LETM2: variants seen among roughly 807,000 people sequenced by gnomAD.
LETM2 encodes LETM1 domain-containing protein LETM2, mitochondrial.
In LETM2, 58 loss-of-function variants were observed where a neutral mutation model predicts 59.6. The observed-to-expected ratio is 0.97, with a 90% CI of 0.79 to 1.21. The LOEUF is 1.21. LETM2 is among the 50% of genes most tolerant of loss of function. The probability of loss-of-function intolerance (pLI) is 0.00; values close to 1 mark genes in which losing one functional copy is unlikely to be tolerated. For missense variants in LETM2, 572 were observed against 575.7 expected (o/e 0.99, Z 0.07); for synonymous variants, 199 against 214.1 (o/e 0.93, Z 0.62).
chr8:38,394,029 T>C (rs1812499617), intron 3 of LETM2, 69 bp from the exon 4 acceptor site: 1 of 1,250,750 alleles, frequency 8.0e-7, no homozygotes, highest in Non-Finnish European at 1.0e-6. Context: ...TTTTTTTGGT[T>C]TTGTTTTTCA....
At chr8:38,408,028 T>C (rs1296512952) in intron 10 of LETM2, 184 bp from the exon 11 acceptor site, 1 of 548,934 alleles carries the variant, frequency 1.8e-6, no homozygotes, top group African/African-American at 1.9e-5. Context: ...CAGAAAAGCA[T>C]CCCAAGGCAC....
chr8:38,393,250 ATGTT>A, intron 3 of LETM2: 1 of 402,370 alleles, frequency 2.5e-6, no homozygotes, highest in East Asian at 4.4e-5. Context: ...GTACATGTGC[ATGTT>A]TGTAGAATAG....
intron 4 of LETM2, among the ~76,000 whole-genome samples, chr8:38,399,711 G>C (rs1323065017): frequency 6.6e-6 from 1 of 151,354 alleles, no homozygotes; most frequent in Non-Finnish European, 1.5e-5. Context: ...CCGGGAGAGA[G>C]AGGTTGCAGT....
intron 3 of LETM2, chr8:38,393,806 A>T: frequency 7.3e-6 from 2 of 272,642 alleles, no homozygotes; most frequent in Admixed American, 5.0e-5. Context: ...AAACAGGAAA[A>T]CCCTGCCTCT....
chr8:38,395,223 C>T (rs1004988405), intron 4 of LETM2, among the ~76,000 whole-genome samples: 1 of 152,190 alleles, frequency 6.6e-6, no homozygotes, highest in Admixed American at 6.5e-5. Context: ...GCTTTCAACT[C>T]ATTGGGGTAA....
At chr8:38,389,871 C>A (rs1812076110) in intron 2 of LETM2, among the ~76,000 whole-genome samples, 1 of 151,802 alleles carries the variant, frequency 6.6e-6, no homozygotes, top group South Asian at 2.1e-4. Flanking sequence ...TGGTGGCATG[C>A]AGCTGTAGTC....
intron 5 of LETM2, 150 bp from the exon 6 acceptor site, chr8:38,400,703 A>C: frequency 4.0e-6 from 3 of 751,174 alleles, no homozygotes; most frequent in Non-Finnish European, 6.5e-6. Flanking sequence ...TTGACTTCAG[A>C]TGGATATCTT....
chr8:38,385,689 C>A, upstream of LETM2, among the ~76,000 whole-genome samples: 1 of 152,144 alleles, frequency 6.6e-6, no homozygotes, highest in East Asian at 1.9e-4. Flanking sequence ...AGCCACCGCG[C>A]CCAGCCTAAA....
chr8:38,403,465 C>T (rs1338249658), intron 7 of LETM2, among the ~76,000 whole-genome samples: 1 of 152,258 alleles, frequency 6.6e-6, no homozygotes. Context: ...TGGTGGCCCA[C>T]CTGGGGCTGC....
In LETM2 at chr8:38,406,951, A is replaced by G. The variant is rs1443977727; in HGVS notation, c.1224A>G (p.Pro408=). ...TAAAATGTTTATCTCCCCAGGCTCC[A>G]AAGACTGATATTCTTGTGGAATTAC... The part of the protein sequence containing the change: ...PIEIPLSGEA[P]KTDILVELPT... The change falls in exon 9 of 11, where the codon CCA becomes CCG. Residue 408 remains proline (P), a synonymous_variant. Coordinates refer to ENST00000379957, the MANE Select transcript of LETM2 (RefSeq NM_001286819.2). 3.7e-6 allele frequency: 6 copies of G among 1,605,528 alleles called. No individual in the cohort carries two copies. The Admixed American group carries it at 5.0e-5, about 13-fold the overall frequency.
At chr8:38,403,783 G>A (rs1813451942) in intron 7 of LETM2, among the ~76,000 whole-genome samples, 1 of 152,196 alleles carries the variant, frequency 6.6e-6, no homozygotes, top group South Asian at 2.1e-4. Context: ...TTTCTTGAAC[G>A]TTGGCTATGA....
intron 2 of LETM2, 44 bp downstream of exon 2, chr8:38,388,074 CTTCTTCT>C (rs1563380708): frequency 3.4e-6 from 4 of 1,180,368 alleles, no homozygotes; most frequent in African/African-American, 1.9e-5. Flanking sequence ...AATTCTTCTT[CTTCTTCT>C]TTTTTTTTTT....
intron 4 of LETM2, among the ~76,000 whole-genome samples, chr8:38,398,973 G>A (rs748424002): frequency 3.4e-4 from 52 of 151,828 alleles, no homozygotes; most frequent in African/African-American, 7.7e-4. Flanking sequence ...CAGCTGCCTC[G>A]GCCTCCCAAA....
At chr8:38,406,672 C>T (rs1013053480) in intron 8 of LETM2, 3 of 330,306 alleles carry the variant, frequency 9.1e-6, no homozygotes, top group African/African-American at 4.2e-5. Flanking sequence ...AGGACCAGTG[C>T]CATCAGTGGA....
intron 5 of LETM2, 58 bp downstream of exon 5, chr8:38,400,467 G>A (rs1813102613): frequency 8.7e-6 from 13 of 1,487,022 alleles, no homozygotes; most frequent in African/African-American, 1.4e-5. Context: ...TATGAAAAAC[G>A]CATGTCATCA....
At chr8:38,398,220 G>A (rs1356000327) in intron 4 of LETM2, among the ~76,000 whole-genome samples, 2 of 151,698 alleles carry the variant, frequency 1.3e-5, no homozygotes, top group Non-Finnish European at 2.9e-5. Context: ...TTGACTGCCT[G>A]GCAATGTTTT....
rs954714388 is a variant in LETM2, at chr8:38,394,403, A to T, written c.645+162A>T. ...TTAGTGTGCTATATTTGTAATGATT[A>T]AAAAAACCAATATTGACATGTTATT... On this transcript the variant is annotated intron_variant, in intron 4 of 10. Coordinates refer to ENST00000379957, the MANE Select transcript of LETM2 (RefSeq NM_001286819.2). The T allele has an allele frequency of 7.6e-4, 339 of 448,906 alleles. 1 individual carries two copies. The highest frequency in any genetic ancestry group is 1.1e-3 in the Non-Finnish European group (289 of 255,736). 27.8% of individuals were successfully genotyped at this position (448,906 alleles called of 1,614,324 possible). A position where few individuals can be genotyped will look rare whatever the true frequency, so the allele number is the denominator to read the frequency against.
rs2150418760 is a variant in LETM2 at position 38,392,753 on chromosome 8, G to A, written c.259G>A (p.Val87Ile). 2 of 1,614,174 alleles carry A rather than the reference G, an allele frequency of 1.2e-6. No homozygotes were observed. Among genetic ancestry groups the A allele is most frequent in the East Asian group, 2.2e-5 (1 of 44,894 alleles). The change falls in exon 3 of 11, where the codon GTT becomes ATT. Residue 87 changes from valine (V) to isoleucine (I), a missense_variant. Val to Ile is a conservative substitution (Grantham distance 29). Coordinates refer to ENST00000379957, the MANE Select transcript of LETM2 (RefSeq NM_001286819.2). ...LHTSTCWLQE[V>I]PGKPQLEQAT... ...CACATCCACTTGCTGGCTGCAAGAA[G>A]TTCCTGGCAAACCTCAGCTGGAGCA...
At chr8:38,404,650 T>A in intron 8 of LETM2, 144 bp downstream of exon 8, 1 of 610,636 alleles carries the variant, frequency 1.6e-6, no homozygotes, top group Non-Finnish European at 2.9e-6. Flanking sequence ...GTTTTAAAAA[T>A]TTCTAAAAAA....
Sources: allele counts gnomAD v4.1 joint callset (sites outside exome capture counted in the v4.1 genomes callset), GRCh38; gene constraint gnomAD v4.1.1; transcripts MANE v1.5; gene names NCBI Gene and HGNC (gene_info 2026-07-23, HGNC 2026-07-21).